The following PPM1B variants were observed in gnomAD, a reference collection of about 807,000 sequenced individuals.
PPM1B encodes the protein protein phosphatase, Mg2+/Mn2+ dependent 1B.
A neutral mutation model predicts 43.0 loss-of-function variants in PPM1B; 22 were observed. That is an observed-to-expected ratio of 0.51 (90% CI 0.37 to 0.73). The LOEUF (loss-of-function observed/expected upper bound fraction) is 0.73. PPM1B is among the 30% of genes least tolerant of loss of function. The probability of loss-of-function intolerance (pLI) is 0.00; values close to 1 mark genes in which losing one functional copy is unlikely to be tolerated. For missense variants in PPM1B, 632 were observed against 584.2 expected (o/e 1.08, Z -0.84); for synonymous variants, 217 against 197.9 (o/e 1.10, Z -0.81).
In PPM1B at chr2:44,206,721, ATTCTTTTTTTGT is replaced by A. The variant is rs1237011393; in HGVS notation, c.847-2487_847-2476del. Among the ~76,000 whole-genome samples, 1,126 of 152,168 alleles carry A rather than the reference ATTCTTTTTTTGT, an allele frequency of 7.4e-3. 9 individuals carry two copies. Among genetic ancestry groups the A allele is most frequent in the African/African-American group, 0.021 (854 of 41,518 alleles). On this transcript the variant is annotated intron_variant, in intron 2 of 5. Transcript: ENST00000282412. ...GCTTTATAAAGTGTAATTATGCTTG[ATTCTTTTTTTGT>A]TGTTGTGTTTTAGAAAGGGTGTCTC...
intron 5 of PPM1B, among the ~76,000 whole-genome samples, chr2:44,242,908 G>A (rs1180336266): frequency 6.6e-6 from 1 of 151,974 alleles, no homozygotes; most frequent in African/African-American, 2.4e-5. Context: ...TTCGCCATTT[G>A]CCTTTCAATA....
intron 3 of PPM1B, among the ~76,000 whole-genome samples, chr2:44,214,916 C>A (rs901165389): frequency 6.6e-6 from 1 of 152,186 alleles, no homozygotes; most frequent in Non-Finnish European, 1.5e-5. Flanking sequence ...GCACGTAAGT[C>A]CTCAGCAAAC....
At chr2:44,243,063 C>A (rs558615045) in intron 5 of PPM1B, among the ~76,000 whole-genome samples, 109 of 152,184 alleles carry the variant, frequency 7.2e-4, no homozygotes, top group African/African-American at 1.7e-3. Context: ...ATTTCCCCCC[C>A]AAAAAAATCA....
chr2:44,241,298 C>T (rs2104295097), intron 5 of PPM1B, among the ~76,000 whole-genome samples: 1 of 144,194 alleles, frequency 6.9e-6, no homozygotes, highest in African/African-American at 2.5e-5. Flanking sequence ...CCACCGTGCC[C>T]GGCCAGGAAG....
chr2:44,170,736 T>C (rs1379083999), intron 1 of PPM1B, among the ~76,000 whole-genome samples: 1 of 152,242 alleles, frequency 6.6e-6, no homozygotes, highest in Admixed American at 6.5e-5. Context: ...TTCTAATTAT[T>C]ATGATAGTCT....
intron 1 of PPM1B, among the ~76,000 whole-genome samples, chr2:44,196,759 C>T (rs1668681088): frequency 6.6e-6 from 1 of 152,090 alleles, no homozygotes; most frequent in African/African-American, 2.4e-5. Flanking sequence ...TATTTTGTTG[C>T]TCAGATTGTT....
chr2:44,203,742 G>T (rs1305616187), intron 2 of PPM1B, among the ~76,000 whole-genome samples: 4 of 151,978 alleles, frequency 2.6e-5, no homozygotes, highest in Admixed American at 2.6e-4. Context: ...CATTTTTCTT[G>T]GCTGCGTAGT....
intron 1 of PPM1B, among the ~76,000 whole-genome samples, chr2:44,171,567 T>G (rs1482760000): frequency 6.6e-6 from 1 of 152,154 alleles, no homozygotes; most frequent in African/African-American, 2.4e-5. Context: ...CGGTGGCTCA[T>G]GCCTGTAATC....
In PPM1B at chr2:44,240,134, A is replaced by G. The variant is rs754621231; in HGVS notation, n.1547-4094A>G. ...GCAATCCTCCTGCCTCGGCCTCCCA[A>G]AGTACTGGGAGTACAGACATGAGCC... On this transcript the variant is annotated intron_variant and non_coding_transcript_variant, in intron 5 of 5. Transcript: ENST00000378540. Among the ~76,000 whole-genome samples the G allele has an allele frequency of 4.1e-5, 6 of 145,528 alleles. 1 individual carries two copies. The highest frequency in any genetic ancestry group is 9.2e-5 in the Non-Finnish European group (6 of 65,218).
At chr2:44,218,734 A>G in intron 5 of PPM1B, 197 bp downstream of exon 5, 2 of 515,016 alleles carry the variant, frequency 3.9e-6, no homozygotes, top group South Asian at 2.2e-5. Context: ...TGTTTTGTAG[A>G]TAGTTTTGTT....
intron 1 of PPM1B, among the ~76,000 whole-genome samples, chr2:44,188,370 C>G (rs1178913987): frequency 6.7e-6 from 1 of 148,182 alleles, no homozygotes; most frequent in African/African-American, 2.5e-5. Context: ...GGCTTTAGTG[C>G]TGCTGAGTTT....
At chr2:44,232,628 C>T (rs2104282103), downstream of PPM1B, 1 of 1,232,676 alleles carries the variant, frequency 8.1e-7, no homozygotes, top group South Asian at 2.4e-5. Flanking sequence ...GTTATTTCAC[C>T]ACAAATCAAC....
chr2:44,239,795 T>C (rs1318281907), intron 5 of PPM1B, among the ~76,000 whole-genome samples: 1 of 152,210 alleles, frequency 6.6e-6, no homozygotes, highest in African/African-American at 2.4e-5. Flanking sequence ...AGCTAGCTAA[T>C]TGTGCCAACA....
chr2:44,199,321 A>AT (rs1332549570), intron 1 of PPM1B, among the ~76,000 whole-genome samples: 27 of 98,856 alleles, frequency 2.7e-4, no homozygotes, highest in African/African-American at 1.1e-3. Context: ...AAAAAAATAA[A>AT]AATAAAAAAA....
intron 1 of PPM1B, among the ~76,000 whole-genome samples, chr2:44,181,179 G>C (rs1209645885): frequency 6.6e-6 from 1 of 152,144 alleles, no homozygotes; most frequent in East Asian, 1.9e-4. Context: ...CGACTCCTGT[G>C]CTCAAGTGAT....
At chr2:44,194,146 CT>C (rs939260877) in intron 1 of PPM1B, among the ~76,000 whole-genome samples, 26 of 151,342 alleles carry the variant, frequency 1.7e-4, no homozygotes, top group African/African-American at 5.8e-4. Flanking sequence ...CTTCTGATTC[CT>C]TTTTCTTTGT....
chr2:44,244,258 C>A (rs755835843), exon 6 of PPM1B: 40 of 1,355,736 alleles, frequency 3.0e-5, no homozygotes, highest in Non-Finnish European at 7.9e-6. Context: ...CATCTGTAAA[C>A]CTGCTGAGAG....
chr2:44,210,860 C>T lies in PPM1B; in HGVS notation c.964+1533C>T, dbSNP rs538358296. 5.9e-5 allele frequency among the ~76,000 whole-genome samples: 9 copies of T among 152,182 alleles called. No individual in the cohort carries two copies. The East Asian group carries it at 1.2e-3, about 20-fold the overall frequency. ...ATCCATAAAAATTAGGAAATTGACCCAGCACGGTGGCTCACACCTATAATC... is the reference window on the plus strand; with the variant it reads ...ATCCATAAAAATTAGGAAATTGACCTAGCACGGTGGCTCACACCTATAATC... On this transcript the variant is annotated intron_variant, in intron 3 of 5. Coordinates refer to ENST00000282412, the MANE Select transcript of PPM1B (RefSeq NM_002706.6).
In PPM1B at chr2:44,230,945, T is replaced by G; in HGVS notation, c.*227T>G. The G allele has an allele frequency of 8.8e-7, 1 of 1,132,904 alleles. No individual in the cohort carries two copies. Among genetic ancestry groups the G allele is most frequent in the East Asian group, 4.2e-5 (1 of 24,036 alleles). The allele number at this position is 1,132,904 out of a possible 1,614,324, so 70.2% of individuals were successfully genotyped here. On this transcript the variant is annotated 3_prime_UTR_variant, in exon 6 of 6. Transcript: ENST00000282412. Reference sequence around the variant, plus strand: ...TAATGAAATTATATGTCATTTCACATTGTATGCCAGAAATTAGGCTACCAA... The same window carrying G: ...TAATGAAATTATATGTCATTTCACAGTGTATGCCAGAAATTAGGCTACCAA...
Sources: allele counts gnomAD v4.1 joint callset (sites outside exome capture counted in the v4.1 genomes callset), GRCh38; gene constraint gnomAD v4.1.1; transcripts MANE v1.5; gene names NCBI Gene and HGNC (gene_info 2026-07-23, HGNC 2026-07-21).